Variants in ZFAT observed in about 807,000 individuals in gnomAD.
ZFAT encodes the protein zinc finger protein ZFAT.
Under a neutral mutation model 117.7 loss-of-function variants are expected in ZFAT, and 64 were observed. The ratio of observed to expected loss-of-function variants is 0.54; its 90% CI spans 0.44 to 0.67. The LOEUF (loss-of-function observed/expected upper bound fraction) is 0.67, where lower values mean the gene tolerates loss of function less well. Ranked by LOEUF, ZFAT falls within the 30% of genes least tolerant of loss-of-function variation. The pLI, the probability that ZFAT is intolerant of heterozygous loss-of-function variation, is 0.00. For missense variants in ZFAT, 1,433 were observed against 1,584.5 expected (o/e 0.90, Z 1.62); for synonymous variants, 679 against 615.0 (o/e 1.10, Z -1.54).
chr8:134,716,288 A>G (rs967411659), upstream of ZFAT, among the ~76,000 whole-genome samples: 2 of 152,196 alleles, frequency 1.3e-5, no homozygotes, highest in Non-Finnish European at 2.9e-5. Flanking sequence ...AAATCTAAAT[A>G]GGCACATTGT....
chr8:134,686,155 G>A (rs753464836), intron 1 of ZFAT, among the ~76,000 whole-genome samples: 3 of 152,206 alleles, frequency 2.0e-5, no homozygotes, highest in Non-Finnish European at 4.4e-5. Flanking sequence ...CAGATTGGCC[G>A]CCACCTGGCC....
At chr8:134,701,331 G>A (rs1290883215) in intron 1 of ZFAT, among the ~76,000 whole-genome samples, 1 of 152,218 alleles carries the variant, frequency 6.6e-6, no homozygotes, top group Non-Finnish European at 1.5e-5. Context: ...GGTTCATCAT[G>A]TGGTAGCCCG....
intron 10 of ZFAT, 36 bp downstream of exon 10, chr8:134,583,796 T>G (rs1336626975): frequency 6.2e-7 from 1 of 1,607,800 alleles, no homozygotes; most frequent in South Asian, 1.1e-5. Context: ...AACCACACAT[T>G]TAGAGGGGAA....
chr8:134,653,419 G>GTT (rs61711569), intron 2 of ZFAT, among the ~76,000 whole-genome samples: 3,716 of 51,340 alleles, frequency 0.072, 508 homozygotes, highest in East Asian at 0.28. Flanking sequence ...CGTTTTATCT[G>GTT]TTTTTTTTTT....
the ZFAT span, chr8:134,722,882 G>A: frequency 6.6e-6 from 1 of 152,170 alleles, no homozygotes; most frequent in African/African-American, 2.4e-5. Context: ...TTAAGGTAAA[G>A]GGAGGTCATG....
At chr8:134,774,243 T>C in the ZFAT span, among the ~76,000 whole-genome samples, 113,624 of 151,584 alleles carry the variant, frequency 0.75, 42,867 homozygotes, top group African/African-American at 0.84. Context: ...GTGATCCACC[T>C]GCATCGGCCT....
intron 3 of ZFAT, among the ~76,000 whole-genome samples, chr8:134,633,964 T>C (rs908155402): frequency 6.6e-6 from 1 of 152,124 alleles, no homozygotes; most frequent in South Asian, 2.1e-4. Flanking sequence ...GAGAATCACT[T>C]GAACCTGGGA....
At chr8:134,652,302 A>G (rs977793854) in intron 2 of ZFAT, among the ~76,000 whole-genome samples, 4 of 152,232 alleles carry the variant, frequency 2.6e-5, no homozygotes, top group African/African-American at 9.6e-5. Context: ...TTAGGACCAC[A>G]TCAGATAAAC....
At chr8:134,579,718 C>T (rs192612138) in intron 10 of ZFAT, among the ~76,000 whole-genome samples, 124 of 152,152 alleles carry the variant, frequency 8.1e-4, no homozygotes, top group African/African-American at 2.6e-3. Flanking sequence ...TGGGAGGCCA[C>T]GGCAGACAGA....
chr8:134,668,600 T>C (rs1461747611), intron 1 of ZFAT, among the ~76,000 whole-genome samples: 1 of 152,220 alleles, frequency 6.6e-6, no homozygotes, highest in African/African-American at 2.4e-5. Flanking sequence ...AAACCCCATC[T>C]GTACGTCACC....
the ZFAT span, among the ~76,000 whole-genome samples, chr8:134,743,301 C>T: frequency 1.3e-5 from 2 of 152,036 alleles, no homozygotes; most frequent in African/African-American, 4.8e-5. Flanking sequence ...CCAGCCTGGC[C>T]AACATGGTGA....
intron 1 of ZFAT, among the ~76,000 whole-genome samples, chr8:134,689,043 G>C (rs1044235288): frequency 6.6e-6 from 1 of 152,164 alleles, no homozygotes; most frequent in Non-Finnish European, 1.5e-5. Context: ...GAGGTAGAAG[G>C]CAGGCAGGAT....
intron 11 of ZFAT, among the ~76,000 whole-genome samples, chr8:134,539,195 G>C (rs1184700261): frequency 2.0e-5 from 3 of 152,208 alleles, no homozygotes; most frequent in Admixed American, 2.0e-4. Context: ...AAGGGACCTA[G>C]AGGAATGTTT....
At chr8:134,700,006 G>A (rs1454701028) in intron 1 of ZFAT, among the ~76,000 whole-genome samples, 1 of 152,262 alleles carries the variant, frequency 6.6e-6, no homozygotes, top group Non-Finnish European at 1.5e-5. Context: ...CTCCCCGACA[G>A]ACTTTGAAAA....
chr8:134,800,301 T>C, the ZFAT span, among the ~76,000 whole-genome samples: 2 of 152,166 alleles, frequency 1.3e-5, no homozygotes, highest in Non-Finnish European at 2.9e-5. Flanking sequence ...TGTTTTTCTG[T>C]TTTAACTACT....
chr8:134,590,815 T>C (rs1483394577), intron 7 of ZFAT, among the ~76,000 whole-genome samples: 2 of 147,158 alleles, frequency 1.4e-5, no homozygotes, highest in African/African-American at 5.0e-5. Context: ...ACCACCACCA[T>C]CAACATCACC....
intron 1 of ZFAT, among the ~76,000 whole-genome samples, chr8:134,662,464 T>C (rs1002621547): frequency 2.6e-5 from 4 of 152,100 alleles, no homozygotes; most frequent in African/African-American, 9.7e-5. Context: ...GATCCAGCCA[T>C]GAGGAAGACA....
intron 1 of ZFAT, among the ~76,000 whole-genome samples, chr8:134,668,049 G>A (rs953299322): frequency 2.0e-5 from 3 of 152,160 alleles, no homozygotes; most frequent in East Asian, 1.9e-4. Flanking sequence ...AGGCGGCACT[G>A]AGGCTGGGGA....
chr8:134,767,456 C>T, the ZFAT span, among the ~76,000 whole-genome samples: 2 of 152,254 alleles, frequency 1.3e-5, no homozygotes, highest in South Asian at 4.2e-4. Flanking sequence ...TTGCCTTAAA[C>T]TATTTTACAT....
Sources: gnomAD v4.1 joint callset for allele counts (sites outside exome capture counted in the v4.1 genomes callset) on GRCh38, gnomAD v4.1.1 for gene constraint, MANE v1.5 for transcripts, NCBI Gene and HGNC (gene_info 2026-07-23, HGNC 2026-07-21) for gene names.